Variants in PCCB observed in about 807,000 individuals in gnomAD.
PCCB encodes the protein propionyl-CoA carboxylase beta chain, mitochondrial.
A neutral mutation model predicts 60.7 loss-of-function variants in PCCB; 43 were observed. That is an observed-to-expected ratio of 0.71 (90% CI 0.55 to 0.91). The LOEUF (loss-of-function observed/expected upper bound fraction) is 0.91, where lower values mean the gene tolerates loss of function less well. Among genes scored for constraint, PCCB ranks in the 40% least tolerant of loss-of-function variants. The pLI, the probability that PCCB is intolerant of heterozygous loss-of-function variation, is 0.00. For synonymous variants in PCCB, 276 were observed against 255.9 expected (o/e 1.08, Z -0.75); for missense variants, 766 against 702.8 (o/e 1.09, Z -1.02).
At chr3:136,274,862 T>C (rs1308360930) in intron 5 of PCCB, among the ~76,000 whole-genome samples, 1 of 151,936 alleles carries the variant, frequency 6.6e-6, no homozygotes, top group Non-Finnish European at 1.5e-5. Flanking sequence ...GGTCTTACTC[T>C]GTTGCCCAGG....
chr3:136,256,682 A>G, intron 3 of PCCB, 59 bp downstream of exon 3: 1 of 1,181,540 alleles, frequency 8.5e-7, no homozygotes, highest in Middle Eastern at 1.9e-4. Flanking sequence ...AGAGGAAAAT[A>G]TGTGAAAGAA....
At chr3:136,328,641 T>G in intron 13 of PCCB, 117 bp from the exon 14 acceptor site, 1 of 791,442 alleles carries the variant, frequency 1.3e-6, no homozygotes, top group African/African-American at 1.7e-5. Flanking sequence ...AGATGGCACT[T>G]CCCCTCAGTA....
chr3:136,300,168 ATGTATATGTG>A (rs1934207898), intron 8 of PCCB, among the ~76,000 whole-genome samples: 1 of 129,522 alleles, frequency 7.7e-6, no homozygotes, highest in South Asian at 2.3e-4. Context: ...ATATACACAT[ATGTATATGTG>A]TATATATGTA....
chr3:136,329,000 G>T, intron 14 of PCCB, 143 bp downstream of exon 14: 2 of 725,940 alleles, frequency 2.8e-6, no homozygotes. Context: ...TCCCTGGGCA[G>T]TCATCACTTG....
At chr3:136,292,564 C>G (rs190533581) in intron 6 of PCCB, among the ~76,000 whole-genome samples, 1 of 152,236 alleles carries the variant, frequency 6.6e-6, no homozygotes, top group East Asian at 1.9e-4. Context: ...AGTTATGATA[C>G]AAATCCTACT....
intron 6 of PCCB, among the ~76,000 whole-genome samples, chr3:136,291,892 C>A (rs1453376084): frequency 6.6e-6 from 1 of 152,128 alleles, no homozygotes; most frequent in African/African-American, 2.4e-5. Flanking sequence ...AGTGTGGGAG[C>A]CCCCAATGAT....
intron 6 of PCCB, among the ~76,000 whole-genome samples, chr3:136,289,996 T>C (rs1014419747): frequency 7.9e-5 from 12 of 152,196 alleles, no homozygotes; most frequent in Non-Finnish European, 1.8e-4. Context: ...GCCAAAAGGC[T>C]GAGAAGCGAT....
intron 13 of PCCB, among the ~76,000 whole-genome samples, chr3:136,328,263 A>G (rs1256144683): frequency 1.3e-5 from 2 of 152,184 alleles, no homozygotes; most frequent in Admixed American, 1.3e-4. Context: ...CAGGTCCCCT[A>G]GAGTTGACTT....
intron 9 of PCCB, among the ~76,000 whole-genome samples, chr3:136,305,269 A>G (rs1210013439): frequency 2.6e-5 from 3 of 115,516 alleles, no homozygotes; most frequent in African/African-American, 7.8e-5. Flanking sequence ...TAATTTTTGT[A>G]TTTTTAGAGA....
chr3:136,255,923 T>C lies in PCCB; in HGVS notation c.251T>C (p.Met84Thr), dbSNP rs756396866. The change falls in exon 2 of 15, where the codon ATG becomes ACG. Residue 84 changes from methionine to threonine, a missense_variant. Met to Thr is a moderately conservative substitution (Grantham distance 81). Transcript: ENST00000251654. ...LDPGSFVESD[M>T]FVEHRCADFG... ...CCTGGCAGCTTTGTTGAGAGCGACA[T>C]GTTTGTGGAACACAGATGTGCAGAT... 1 of 1,614,204 alleles carries C rather than the reference T, an allele frequency of 6.2e-7. No individual in the cohort carries two copies. Among genetic ancestry groups the C allele is most frequent in the South Asian group, 1.1e-5 (1 of 91,088 alleles).
intron 5 of PCCB, among the ~76,000 whole-genome samples, chr3:136,278,270 T>C (rs559555725): frequency 6.6e-6 from 1 of 152,294 alleles, no homozygotes; most frequent in Non-Finnish European, 1.5e-5. Context: ...GCAGCTTCTC[T>C]CTATCTCACA....
chr3:136,257,214 G>C (rs1458770712), intron 3 of PCCB, among the ~76,000 whole-genome samples: 2 of 152,172 alleles, frequency 1.3e-5, no homozygotes, highest in African/African-American at 4.8e-5. Flanking sequence ...TAATCACAGG[G>C]TCCTTAAAAG....
chr3:136,327,833 C>T, intron 13 of PCCB, 101 bp downstream of exon 13: 2 of 939,926 alleles, frequency 2.1e-6, no homozygotes, highest in Non-Finnish European at 3.4e-6. Flanking sequence ...GCCAGGGCCC[C>T]TAGGTTGAGC....
chr3:136,316,823 G>A, intron 9 of PCCB, 118 bp from the exon 10 acceptor site: 1 of 1,173,782 alleles, frequency 8.5e-7, no homozygotes, highest in Non-Finnish European at 1.3e-6. Flanking sequence ...CTGTGATAGA[G>A]CTGGAGCTGT....
chr3:136,298,095 T>C, intron 8 of PCCB, 23 bp downstream of exon 8: 1 of 1,613,788 alleles, frequency 6.2e-7, no homozygotes, highest in Non-Finnish European at 8.5e-7. Flanking sequence ...CCGGTGCACC[T>C]TCTCTCATTT....
chr3:136,251,886 TTA>T (rs1458257809), intron 1 of PCCB, among the ~76,000 whole-genome samples: 1 of 151,444 alleles, frequency 6.6e-6, no homozygotes, highest in Non-Finnish European at 1.5e-5. Context: ...CTTTTTATTT[TTA>T]TGTTTTGATA....
At chr3:136,292,998 C>G (rs940363962) in intron 6 of PCCB, among the ~76,000 whole-genome samples, 1 of 152,088 alleles carries the variant, frequency 6.6e-6, no homozygotes, top group Non-Finnish European at 1.5e-5. Context: ...AATAGCAAAG[C>G]ATTGATTTAT....
intron 8 of PCCB, among the ~76,000 whole-genome samples, chr3:136,299,302 ATATG>A (rs1256169225): frequency 3.3e-5 from 5 of 152,020 alleles, no homozygotes; most frequent in African/African-American, 1.2e-4. Flanking sequence ...ATATGCATAT[ATATG>A]TATACATACA....
At chr3:136,271,522 A>G (rs940845116) in intron 5 of PCCB, among the ~76,000 whole-genome samples, 7 of 152,088 alleles carry the variant, frequency 4.6e-5, no homozygotes, top group African/African-American at 1.4e-4. Flanking sequence ...TGTGTCATGT[A>G]TAGTTTCTTT....
Sources: gnomAD v4.1 joint callset for allele counts (sites outside exome capture counted in the v4.1 genomes callset) on GRCh38, gnomAD v4.1.1 for gene constraint, MANE v1.5 for transcripts, NCBI Gene and HGNC (gene_info 2026-07-23, HGNC 2026-07-21) for gene names.